The following LARP1B variants were observed in gnomAD, a reference collection of about 807,000 sequenced individuals.
LARP1B encodes the protein la-related protein 1B.
In LARP1B, 76 loss-of-function variants were observed where a neutral mutation model predicts 114.2. That is an observed-to-expected ratio of 0.67 (90% CI 0.55 to 0.81). The LOEUF (loss-of-function observed/expected upper bound fraction) is 0.81. Among genes scored for constraint, LARP1B ranks in the 30% least tolerant of loss-of-function variants. The probability of loss-of-function intolerance (pLI) is 0.00; values close to 1 mark genes in which losing one functional copy is unlikely to be tolerated. For missense variants in LARP1B, 1,014 were observed against 1,075.8 expected, an observed-to-expected ratio of 0.94 and a Z score of 0.80; for synonymous variants, 345 against 348.0, an observed-to-expected ratio of 0.99 and a Z score of 0.10.
intron 18 of LARP1B, chr4:128,206,743 G>C (rs1044883016): frequency 2.0e-6 from 2 of 985,142 alleles, no homozygotes; most frequent in Non-Finnish European, 2.4e-6. Flanking sequence ...CTACTCTCAA[G>C]TCTTTCTTTT....
At chr4:128,196,450 T>C (rs186518068) in intron 15 of LARP1B, among the ~76,000 whole-genome samples, 154 of 151,714 alleles carry the variant, frequency 1.0e-3, no homozygotes, top group Admixed American at 4.3e-3. Context: ...ACCCAGGAGG[T>C]TGAAGCTGCA....
At position 128,211,770 on chromosome 4, in the gene LARP1B, T is replaced by A; in HGVS notation, c.*1717T>A. 4.4e-6 allele frequency: 4 copies of A among 916,462 alleles called. No homozygotes were observed. Among genetic ancestry groups the A allele is most frequent in the South Asian group, 5.1e-5 (1 of 19,742 alleles). 56.8% of individuals were successfully genotyped at this position (916,462 alleles called of 1,614,324 possible). On this transcript the variant is annotated 3_prime_UTR_variant, in exon 20 of 20. Transcript: ENST00000326639. ...GAACACATATATCTGAAACCTGTATTTAACCAGATATTTCTACTCAACTGA... is the reference window on the plus strand; with the variant it reads ...GAACACATATATCTGAAACCTGTATATAACCAGATATTTCTACTCAACTGA...
intron 8 of LARP1B, among the ~76,000 whole-genome samples, chr4:128,105,046 A>T (rs1781573830): frequency 6.7e-6 from 1 of 149,590 alleles, no homozygotes; most frequent in Non-Finnish European, 1.5e-5. Context: ...AAATTTAAAC[A>T]TATGGGAAAG....
upstream of LARP1B, among the ~76,000 whole-genome samples, chr4:128,060,912 C>A (rs1470926377): frequency 1.3e-5 from 2 of 152,262 alleles, no homozygotes; most frequent in South Asian, 2.1e-4. Flanking sequence ...AGCCTAGCTG[C>A]GACCCAGCTT....
At position 128,211,026 on chromosome 4, in the gene LARP1B, T is replaced by G. The variant is rs944295396; in HGVS notation, c.*973T>G. 4.0e-5 allele frequency: 36 copies of G among 906,120 alleles called. No individual in the cohort carries two copies. Among genetic ancestry groups the G allele is most frequent in the Admixed American group, 1.2e-4 (2 of 16,150 alleles). 56.1% of individuals were successfully genotyped at this position (906,120 alleles called of 1,614,324 possible). A position where few individuals can be genotyped will look rare whatever the true frequency, so the allele number is the denominator to read the frequency against. ...TGTTTAATTTTGTTTTTATAAATGTTTTCAAGAGTTATAGCAAATTGATTT... is the reference window on the plus strand; with the variant it reads ...TGTTTAATTTTGTTTTTATAAATGTGTTCAAGAGTTATAGCAAATTGATTT... On this transcript the variant is annotated 3_prime_UTR_variant, in exon 20 of 20. Transcript: ENST00000326639.
At chr4:128,198,823 C>T (rs530362319) in intron 15 of LARP1B, among the ~76,000 whole-genome samples, 1 of 152,196 alleles carries the variant, frequency 6.6e-6, no homozygotes, top group South Asian at 2.1e-4. Flanking sequence ...AGAAGAGAGA[C>T]TGGTTAATTC....
At chr4:128,098,767 A>ATATATTT (rs1328165907) in intron 8 of LARP1B, among the ~76,000 whole-genome samples, 1 of 35,034 alleles carries the variant, frequency 2.9e-5, no homozygotes, top group African/African-American at 1.3e-4. Context: ...ATATATATAT[A>ATATATTT]TTTTTTTTTT....
chr4:128,118,272 A>T (rs878899054), intron 10 of LARP1B, among the ~76,000 whole-genome samples: 1 of 104,966 alleles, frequency 9.5e-6, no homozygotes, highest in South Asian at 2.9e-4. Context: ...TTGCCCTGTC[A>T]CTAGGCTGGA....
At chr4:128,162,511 G>C (rs1386395559) in intron 12 of LARP1B, among the ~76,000 whole-genome samples, 194 bp downstream of exon 12, 3 of 151,954 alleles carry the variant, frequency 2.0e-5, no homozygotes, top group Admixed American at 2.0e-4. Context: ...CAAAGCCAGA[G>C]GCTTACTTAG....
At chr4:128,067,059 C>G (rs181417796) in intron 1 of LARP1B, among the ~76,000 whole-genome samples, 1 of 152,072 alleles carries the variant, frequency 6.6e-6, no homozygotes, top group South Asian at 2.1e-4. Context: ...GCGCCCGCTT[C>G]GGCCTCCCAA....
At chr4:128,107,921 G>C (rs1782661070) in intron 9 of LARP1B, 2 of 1,535,838 alleles carry the variant, frequency 1.3e-6, no homozygotes, top group Non-Finnish European at 1.7e-6. Context: ...GATGTCATTT[G>C]ATCGGAATAT....
chr4:128,156,171 C>T lies in LARP1B; in HGVS notation c.1525-6023C>T, dbSNP rs1735534119. The T allele has an allele frequency of 1.6e-5, 25 of 1,610,064 alleles. 1 individual carries two copies. The South Asian group carries it at 2.6e-4, about 17-fold the overall frequency. On this transcript the variant is annotated intron_variant, in intron 11 of 19. Coordinates refer to ENST00000326639, the MANE Select transcript of LARP1B (RefSeq NM_018078.4). ...GCAGCAGCGGAGACCCATCCTCTGA[C>T]CCCCTTGGCTCTCCAACCCTCCTCG...
At chr4:128,201,284 A>C (rs1431874470) in intron 17 of LARP1B, among the ~76,000 whole-genome samples, 1 of 152,206 alleles carries the variant, frequency 6.6e-6, no homozygotes, top group Non-Finnish European at 1.5e-5. Flanking sequence ...GGTTGTTAAT[A>C]CCAAGAGATG....
intron 18 of LARP1B, chr4:128,206,911 A>G (rs1260835455): frequency 2.4e-6 from 2 of 847,190 alleles, no homozygotes; most frequent in Non-Finnish European, 2.8e-6. Flanking sequence ...GCTAGGTGCA[A>G]ATTCCCTTTC....
chr4:128,206,768 T>C (rs1218510072), intron 18 of LARP1B: 11 of 985,264 alleles, frequency 1.1e-5, no homozygotes, highest in Non-Finnish European at 1.3e-5. Flanking sequence ...AGGTATATTT[T>C]GTCATTATCC....
intron 6 of LARP1B, chr4:128,220,324 TA>T: frequency 1.1e-6 from 1 of 875,608 alleles, no homozygotes; most frequent in Non-Finnish European, 1.4e-6. Context: ...GGCTTTTATG[TA>T]ACTATTATTT....
intron 7 of LARP1B, chr4:128,220,570 C>T (rs556576432): frequency 6.5e-6 from 1 of 153,144 alleles, no homozygotes; most frequent in Non-Finnish European, 1.4e-5. Flanking sequence ...TAGGCATTGC[C>T]CTAGTTATTG....
intron 11 of LARP1B, chr4:128,122,788 C>T (rs1439652547): frequency 8.8e-7 from 1 of 1,136,626 alleles, no homozygotes; most frequent in African/African-American, 1.6e-5. Context: ...TTTTTAACTT[C>T]TTGCATTTCA....
chr4:128,197,683 ACT>A (rs1167950681), intron 15 of LARP1B, among the ~76,000 whole-genome samples: 1 of 151,894 alleles, frequency 6.6e-6, no homozygotes. Flanking sequence ...ACAGAGCGAC[ACT>A]CTGTCTCAAA....
Sources: gnomAD v4.1 joint callset for allele counts (sites outside exome capture counted in the v4.1 genomes callset) on GRCh38, gnomAD v4.1.1 for gene constraint, MANE v1.5 for transcripts, NCBI Gene and HGNC (gene_info 2026-07-23, HGNC 2026-07-21) for gene names.